SYCP1: variants seen among roughly 807,000 people sequenced by gnomAD.
SYCP1 encodes synaptonemal complex protein 1, also known as cancer/testis antigen 8.
Under a neutral mutation model 153.1 loss-of-function variants are expected in SYCP1, and 64 were observed. That is an observed-to-expected ratio of 0.42 (90% confidence interval 0.34 to 0.51). The LOEUF (loss-of-function observed/expected upper bound fraction) is 0.51. Ranked by LOEUF, SYCP1 falls within the 20% of genes least tolerant of loss-of-function variation. The pLI is 0.06. For missense variants in SYCP1, 997 were observed against 1,049.0 expected, an observed-to-expected ratio of 0.95 and a Z score of 0.68; for synonymous variants, 384 against 341.8, an observed-to-expected ratio of 1.12 and a Z score of -1.36.
chr1:114,873,607 G>A (rs1370553086), intron 8 of SYCP1, among the ~76,000 whole-genome samples: 1 of 152,192 alleles, frequency 6.6e-6, no homozygotes, highest in Admixed American at 6.5e-5. Context: ...TTAAGAACGG[G>A]ACATATTGGT....
At chr1:114,868,245 C>G (rs552894892) in intron 8 of SYCP1, among the ~76,000 whole-genome samples, 7 of 151,618 alleles carry the variant, frequency 4.6e-5, no homozygotes, top group Admixed American at 2.0e-4. Context: ...CTTAAGTGAT[C>G]CTCCTGCCTC....
At chr1:114,935,732 A>T (rs1669954617) in intron 23 of SYCP1, among the ~76,000 whole-genome samples, 1 of 152,212 alleles carries the variant, frequency 6.6e-6, no homozygotes, top group African/African-American at 2.4e-5. Context: ...ATCACCAGTG[A>T]TCCCACAGAA....
chr1:114,882,925 G>C (rs1015044080), intron 12 of SYCP1, among the ~76,000 whole-genome samples: 1 of 152,054 alleles, frequency 6.6e-6, no homozygotes. Flanking sequence ...TTGTACAAAA[G>C]TTTACTTCTT....
intron 15 of SYCP1, among the ~76,000 whole-genome samples, chr1:114,889,396 T>A (rs1666540971): frequency 6.6e-6 from 1 of 152,244 alleles, no homozygotes; most frequent in African/African-American, 2.4e-5. Flanking sequence ...ATCGCCATTC[T>A]AACTGCTGTG....
chr1:114,923,437 A>G lies in SYCP1; in HGVS notation c.1719-12A>G, dbSNP rs1669033539. On this transcript the variant is annotated splice_polypyrimidine_tract_variant and intron_variant, in intron 20 of 31. Transcript: ENST00000369522. ...ATTTTTAGTATAATGTCACTCTTCC[A>G]TTTTCTTTTAGAAATGAACTAGAAT... 2 of 1,562,152 alleles carry G rather than the reference A, an allele frequency of 1.3e-6. No homozygotes were observed. The highest frequency in any genetic ancestry group is 1.4e-5 in the African/African-American group (1 of 72,780).
chr1:114,857,147 A>AAAC lies in SYCP1; in HGVS notation c.194-83_194-82insCAA, dbSNP rs1466372474. The AAAC allele has an allele frequency of 4.5e-6, 4 of 882,910 alleles. No individual in the cohort carries two copies. The African/African-American group carries it at 6.8e-5, about 15-fold the overall frequency. The allele number at this position is 882,910 out of a possible 1,614,324, so 54.7% of individuals were successfully genotyped here. ...TGTCCTCTCTCTCTCAAAAAAAAAA[A>AAAC]AAAAAAAAAAGAGAAAAAAGAAAAA... On this transcript the variant is annotated intron_variant, in intron 3 of 31. Coordinates refer to ENST00000369522, the MANE Select transcript of SYCP1 (RefSeq NM_003176.4).
intron 8 of SYCP1, among the ~76,000 whole-genome samples, chr1:114,866,946 T>G (rs1664792997): frequency 6.6e-6 from 1 of 151,926 alleles, no homozygotes. Context: ...TTCAGCATCA[T>G]TTGTTGAAAA....
chr1:114,906,029 G>A (rs1486836797), intron 16 of SYCP1, among the ~76,000 whole-genome samples: 1 of 151,788 alleles, frequency 6.6e-6, no homozygotes, highest in Non-Finnish European at 1.5e-5. Flanking sequence ...GCAATGGCAT[G>A]ATCTAGGCTC....
chr1:114,870,394 C>A (rs1366219802), intron 8 of SYCP1, among the ~76,000 whole-genome samples: 1 of 152,146 alleles, frequency 6.6e-6, no homozygotes, highest in Non-Finnish European at 1.5e-5. Flanking sequence ...ATTAATATAG[C>A]TACTCTTTTT....
In SYCP1 at chr1:114,886,186, C is replaced by G. The variant is rs765608478; in HGVS notation, c.1067C>G (p.Thr356Ser). 6.2e-7 allele frequency: 1 copy of G among 1,611,564 alleles called. No homozygotes were observed. The highest frequency in any genetic ancestry group is 1.1e-5 in the South Asian group (1 of 90,506). The change falls in exon 14 of 32, where the codon ACT (threonine) becomes AGT (serine). Residue 356 changes from threonine to serine, a missense_variant. By Grantham distance (58) the Thr-to-Ser change is moderately conservative. Around this residue, in one of 2 missense-constraint regions of SYCP1, gnomAD observed 712 missense variants for 682.9 expected, o/e 1.04. Transcript: ENST00000369522. ...QIATKTICQL[T>S]EEKETQMEES... ...GCAACAAAAACAATTTGTCAGCTAA[C>G]TGAAGAAAAAGAAACTCAAATGGAA...
intron 27 of SYCP1, among the ~76,000 whole-genome samples, chr1:114,959,801 A>G (rs1671667183): frequency 6.6e-6 from 1 of 151,898 alleles, no homozygotes; most frequent in Admixed American, 6.6e-5. Context: ...TTCAATGGCT[A>G]TAATTTTTAG....
intron 15 of SYCP1, among the ~76,000 whole-genome samples, chr1:114,892,932 G>A (rs1169517914): frequency 6.6e-6 from 1 of 152,048 alleles, no homozygotes; most frequent in Non-Finnish European, 1.5e-5. Context: ...GAACTCAGAG[G>A]GTGGGTGGGA....
At chr1:114,874,684 T>C in intron 9 of SYCP1, 120 bp downstream of exon 9, 1 of 585,124 alleles carries the variant, frequency 1.7e-6, no homozygotes, top group Non-Finnish European at 2.9e-6. Context: ...TTTGTTGATA[T>C]ATTATTGTAT....
chr1:114,900,644 T>G (rs1005889147), intron 16 of SYCP1, among the ~76,000 whole-genome samples: 2 of 152,242 alleles, frequency 1.3e-5, no homozygotes, highest in Non-Finnish European at 2.9e-5. Flanking sequence ...TAAATCTATT[T>G]CCAGTAGTCT....
chr1:114,877,210 A>G (rs1051086715), intron 11 of SYCP1, among the ~76,000 whole-genome samples: 2 of 152,160 alleles, frequency 1.3e-5, no homozygotes, highest in Non-Finnish European at 2.9e-5. Context: ...GAACTAAAAT[A>G]TTCTGTTGCA....
chr1:114,908,181 A>ATT (rs201572651), intron 16 of SYCP1, among the ~76,000 whole-genome samples: 11 of 141,068 alleles, frequency 7.8e-5, no homozygotes, highest in African/African-American at 2.6e-4. Context: ...TTCTGGAAGG[A>ATT]TTTTTTTTTT....
At chr1:114,884,566 A>G (rs1286567) in intron 12 of SYCP1, among the ~76,000 whole-genome samples, 3,618 of 152,266 alleles carry the variant, frequency 0.024, 58 homozygotes, top group South Asian at 0.035. Flanking sequence ...TGCCTGACCA[A>G]TATATTGTAA....
At chr1:114,928,599 T>G (rs1321510782) in intron 23 of SYCP1, among the ~76,000 whole-genome samples, 3 of 152,178 alleles carry the variant, frequency 2.0e-5, no homozygotes, top group Non-Finnish European at 4.4e-5. Flanking sequence ...AGGCGATATA[T>G]TTTTCTTTTA....
chr1:114,896,890 G>T (rs555601331), intron 16 of SYCP1, among the ~76,000 whole-genome samples: 1 of 152,266 alleles, frequency 6.6e-6, no homozygotes, highest in South Asian at 2.1e-4. Flanking sequence ...GGCTTTATTT[G>T]GTGAAAAGTG....
Sources: allele counts gnomAD v4.1 joint callset (sites outside exome capture counted in the v4.1 genomes callset), GRCh38; gene constraint gnomAD v4.1.1; regional missense constraint gnomAD v4.1.1; transcripts MANE v1.5; gene names NCBI Gene and HGNC (gene_info 2026-07-23, HGNC 2026-07-21).